CHD1L: variants seen among roughly 807,000 people sequenced by gnomAD.
CHD1L encodes ATP-dependent chromatin remodeler CHD1L.
A neutral mutation model predicts 115.9 loss-of-function variants in CHD1L; 118 were observed. The ratio of observed to expected loss-of-function variants is 1.02; its 90% confidence interval spans 0.88 to 1.19. CHD1L has a LOEUF of 1.19. Ranked by LOEUF, CHD1L falls within the 50% of genes most tolerant of loss-of-function variation. The probability of loss-of-function intolerance (pLI) is 0.00; values close to 1 mark genes in which losing one functional copy is unlikely to be tolerated. For synonymous variants in CHD1L, 411 were observed against 387.1 expected, an observed-to-expected ratio of 1.06 and a Z score of -0.72; for missense variants, 1,179 against 1,065.3, an observed-to-expected ratio of 1.11 and a Z score of -1.49.
chr1:147,228,142 A>G, the CHD1L span, among the ~76,000 whole-genome samples: 1 of 151,884 alleles, frequency 6.6e-6, no homozygotes, highest in Admixed American at 6.6e-5. Flanking sequence ...TATATCTCCT[A>G]ATGCTATCCC....
chr1:147,198,872 A>AAAAAAAG, the CHD1L span, among the ~76,000 whole-genome samples: 20 of 144,676 alleles, frequency 1.4e-4, no homozygotes, highest in African/African-American at 3.4e-4. Context: ...AAAAAAAAAA[A>AAAAAAAG]AAAGAAAGAA....
At chr1:147,189,057 C>T in the CHD1L span, among the ~76,000 whole-genome samples, 3 of 151,998 alleles carry the variant, frequency 2.0e-5, no homozygotes, top group Admixed American at 6.6e-5. Flanking sequence ...GGGCAGATCA[C>T]AAGGTCAGGA....
the CHD1L span, among the ~76,000 whole-genome samples, chr1:147,237,054 C>A: frequency 6.6e-6 from 1 of 152,174 alleles, no homozygotes; most frequent in Non-Finnish European, 1.5e-5. Context: ...CCCAGCACCC[C>A]CTTGGCCTCC....
At chr1:147,221,807 G>A in the CHD1L span, among the ~76,000 whole-genome samples, 1 of 152,156 alleles carries the variant, frequency 6.6e-6, no homozygotes, top group Non-Finnish European at 1.5e-5. Context: ...ACCACAACAA[G>A]TGTTATCCTG....
intron 1 of CHD1L, 87 bp downstream of exon 1, chr1:147,242,917 C>G (rs1248686155): frequency 1.6e-6 from 2 of 1,226,298 alleles, no homozygotes; most frequent in Admixed American, 4.2e-5. Flanking sequence ...GGGTGGGCCG[C>G]CCGGTGGGCA....
At chr1:147,271,184 A>G (rs1676067390) in intron 11 of CHD1L, 179 bp downstream of exon 11, 1 of 522,320 alleles carries the variant, frequency 1.9e-6, no homozygotes, top group African/African-American at 1.9e-5. Context: ...AAGGATGGAC[A>G]GCAGAGAACA....
chr1:147,220,081 A>G, the CHD1L span, among the ~76,000 whole-genome samples: 1 of 151,994 alleles, frequency 6.6e-6, no homozygotes. Context: ...CTCGTGATCC[A>G]CCCACCTCGG....
At chr1:147,263,661 T>A (rs2102531553) in intron 6 of CHD1L, among the ~76,000 whole-genome samples, 1 of 152,258 alleles carries the variant, frequency 6.6e-6, no homozygotes, top group South Asian at 2.1e-4. Flanking sequence ...TTTGAGATTC[T>A]CTGTGATCTC....
At chr1:147,283,422 T>C (rs956431104) in intron 15 of CHD1L, among the ~76,000 whole-genome samples, 57 of 152,204 alleles carry the variant, frequency 3.7e-4, no homozygotes, top group Admixed American at 3.0e-3. Context: ...CCCGATTCAA[T>C]CATTATCTTA....
chr1:147,174,196 C>G, the CHD1L span, among the ~76,000 whole-genome samples: 1 of 152,188 alleles, frequency 6.6e-6, no homozygotes, highest in Admixed American at 6.5e-5. Context: ...TACGATTTTA[C>G]TGCAACTTCT....
the CHD1L span, among the ~76,000 whole-genome samples, chr1:147,183,790 A>G: frequency 6.6e-6 from 1 of 152,244 alleles, no homozygotes; most frequent in Non-Finnish European, 1.5e-5. Context: ...TAGAAATTCC[A>G]TTAGGCAATC....
At chr1:147,281,661 A>C (rs1338915321) in intron 15 of CHD1L, among the ~76,000 whole-genome samples, 2 of 152,088 alleles carry the variant, frequency 1.3e-5, no homozygotes, top group Non-Finnish European at 2.9e-5. Context: ...CTCTGTTCTC[A>C]TTTCAAGGAC....
chr1:147,290,631 C>T (rs182893980), intron 19 of CHD1L, among the ~76,000 whole-genome samples: 4 of 152,132 alleles, frequency 2.6e-5, no homozygotes, highest in Admixed American at 2.6e-4. Flanking sequence ...CCCTTCATGG[C>T]CTTCCCTGGC....
Position 147,295,719 on chromosome 1 carries a change from A to G in CHD1L, c.*210A>G. On this transcript the variant is annotated 3_prime_UTR_variant, in exon 23 of 23. Coordinates refer to ENST00000369258, the MANE Select transcript of CHD1L (RefSeq NM_004284.6). ...CAACTTTTTTTGGGAAAGCCCTTTG[A>G]CCCCAGCTTGCTAGTTGCATAATAA... The G allele has an allele frequency of 1.9e-6, 1 of 524,130 alleles. No individual in the cohort carries two copies. The highest frequency in any genetic ancestry group is 3.3e-6 in the Non-Finnish European group (1 of 302,048). The allele number at this position is 524,130 out of a possible 1,614,324, so 32.5% of individuals were successfully genotyped here. A position where few individuals can be genotyped will look rare whatever the true frequency, so the allele number is the denominator to read the frequency against.
chr1:147,289,817 G>A (rs1274590825), intron 19 of CHD1L, among the ~76,000 whole-genome samples: 4 of 152,242 alleles, frequency 2.6e-5, no homozygotes, highest in African/African-American at 9.6e-5. Flanking sequence ...GCAGGCCAGA[G>A]TGGAGGGTTT....
the CHD1L span, chr1:147,204,508 A>C: frequency 2.6e-6 from 4 of 1,558,908 alleles, no homozygotes; most frequent in Admixed American, 3.4e-5. Flanking sequence ...ATTAGGAAGA[A>C]TCTCATGAGC....
chr1:147,217,595 A>C, the CHD1L span, among the ~76,000 whole-genome samples: 1 of 152,178 alleles, frequency 6.6e-6, no homozygotes, highest in Non-Finnish European at 1.5e-5. Context: ...TCAATCTAGG[A>C]ATCCTAAATT....
chr1:147,251,107 C>T (rs1240767314), intron 1 of CHD1L, among the ~76,000 whole-genome samples: 4 of 152,138 alleles, frequency 2.6e-5, no homozygotes, highest in Admixed American at 1.3e-4. Context: ...AACCTCTTTC[C>T]TTTATAAATT....
At chr1:147,271,140 A>C (rs1553952753) in intron 11 of CHD1L, 135 bp downstream of exon 11, 2 of 748,806 alleles carry the variant, frequency 2.7e-6, no homozygotes, top group Non-Finnish European at 4.3e-6. Flanking sequence ...GAACCAAAAA[A>C]TCAAAAGGCG....
Sources: allele counts gnomAD v4.1 joint callset (sites outside exome capture counted in the v4.1 genomes callset), GRCh38; gene constraint gnomAD v4.1.1; transcripts MANE v1.5; gene names NCBI Gene and HGNC (gene_info 2026-07-23, HGNC 2026-07-21).